SH2D4A: variants seen among roughly 807,000 people sequenced by gnomAD.
The protein encoded by SH2D4A is SH2 domain-containing protein 4A.
In SH2D4A, 70 loss-of-function variants were observed where a neutral mutation model predicts 64.7. The ratio of observed to expected loss-of-function variants is 1.08; its 90% CI spans 0.89 to 1.32. SH2D4A has a LOEUF of 1.32. Among genes scored for constraint, SH2D4A ranks in the 40% most tolerant of loss-of-function variants. SH2D4A has a pLI of 0.00. For missense variants in SH2D4A, 706 were observed against 540.1 expected (o/e 1.31, Z -3.04); for synonymous variants, 268 against 200.7 (o/e 1.34, Z -2.83).
intron 8 of SH2D4A, among the ~76,000 whole-genome samples, chr8:19,378,017 C>A (rs1011396166): frequency 6.6e-6 from 1 of 152,156 alleles, no homozygotes. Flanking sequence ...ATGGAATCTT[C>A]TTATTTTAAT....
intron 2 of SH2D4A, among the ~76,000 whole-genome samples, chr8:19,330,813 G>C (rs1031022256): frequency 2.6e-5 from 4 of 152,034 alleles, no homozygotes; most frequent in Middle Eastern, 3.4e-3. Flanking sequence ...AGGCTGAGAG[G>C]CTGACATAAA....
At chr8:19,313,885 A>T in intron 1 of SH2D4A, 62 bp downstream of exon 1, 1 of 1,379,872 alleles carries the variant, frequency 7.2e-7, no homozygotes, top group South Asian at 1.6e-5. Context: ...AGTAGGGGGA[A>T]GGGAATTTCC....
chr8:19,375,985 G>T (rs1423658689), intron 8 of SH2D4A, among the ~76,000 whole-genome samples: 2 of 152,044 alleles, frequency 1.3e-5, no homozygotes, highest in East Asian at 3.9e-4. Flanking sequence ...ACCTGCCTCG[G>T]TCACCTCTCC....
chr8:19,316,723 G>C (rs2052094823), intron 1 of SH2D4A, among the ~76,000 whole-genome samples: 1 of 152,138 alleles, frequency 6.6e-6, no homozygotes, highest in South Asian at 2.1e-4. Context: ...TCTGATTCTG[G>C]GCACACAAAT....
At chr8:19,340,610 T>G (rs1218457926) in intron 4 of SH2D4A, among the ~76,000 whole-genome samples, 5 of 146,738 alleles carry the variant, frequency 3.4e-5, no homozygotes, top group Admixed American at 6.8e-5. Context: ...TCTTTTTTTT[T>G]TTTTTTTTTT....
chr8:19,361,040 T>G, intron 5 of SH2D4A, 163 bp from the exon 6 acceptor site: 1 of 468,914 alleles, frequency 2.1e-6, no homozygotes, highest in Non-Finnish European at 3.8e-6. Context: ...CAGGTCTTAC[T>G]GACTCCAAAG....
In SH2D4A at chr8:19,389,545, T is replaced by C. The variant is rs1008789407; in HGVS notation, c.1049-3773T>C. 3.3e-5 allele frequency among the ~76,000 whole-genome samples: 5 copies of C among 152,282 alleles called. No homozygotes were observed. The East Asian group carries it at 7.7e-4, about 24-fold the overall frequency. On this transcript the variant is annotated intron_variant, in intron 8 of 9. Transcript: ENST00000265807. The stretch of plus-strand genomic sequence containing the variant: ...TAGGCTCAGGAGTTTCAGTTCCTGC[T>C]CTGCCCCAGGCTCTTCAGGGCCAGA...
At chr8:19,368,564 T>A (rs548112895) in intron 7 of SH2D4A, among the ~76,000 whole-genome samples, 1 of 151,898 alleles carries the variant, frequency 6.6e-6, no homozygotes, top group South Asian at 2.1e-4. Flanking sequence ...CCTCCTTGGT[T>A]AAATTTATTC....
chr8:19,324,034 G>A (rs1251695801), intron 2 of SH2D4A, among the ~76,000 whole-genome samples: 2 of 152,210 alleles, frequency 1.3e-5, no homozygotes, highest in East Asian at 3.9e-4. Flanking sequence ...CTTAATGACA[G>A]TGACTTTTGT....
At chr8:19,357,971 T>G (rs1055876886) in intron 5 of SH2D4A, among the ~76,000 whole-genome samples, 1 of 152,236 alleles carries the variant, frequency 6.6e-6, no homozygotes. Context: ...GGACCTGTGT[T>G]CCTGTGGACC....
chr8:19,390,278 G>A (rs2053468462), intron 8 of SH2D4A, among the ~76,000 whole-genome samples: 3 of 152,114 alleles, frequency 2.0e-5, no homozygotes. Context: ...CTACACAGGA[G>A]GCTAAGGCAT....
At chr8:19,371,588 C>G (rs1384344044) in intron 7 of SH2D4A, among the ~76,000 whole-genome samples, 1 of 151,626 alleles carries the variant, frequency 6.6e-6, no homozygotes, top group Admixed American at 6.6e-5. Context: ...TTCGATCATC[C>G]TATGCTTGGC....
In SH2D4A at chr8:19,323,196, G is replaced by C. The variant is rs1325234126; in HGVS notation, c.181+3468G>C. 2.0e-5 allele frequency among the ~76,000 whole-genome samples: 3 copies of C among 151,988 alleles called. No homozygotes were observed. In the East Asian group the frequency reaches 5.8e-4, roughly 30 times the overall value. ...TCACCACAAGCCACATGTGGCTCTT[G>C]AGCACAGGAAATGAGGCTAGTCTGG... On this transcript the variant is annotated intron_variant, in intron 2 of 9. Transcript: ENST00000265807.
At chr8:19,346,772 A>G (rs1344312660) in intron 4 of SH2D4A, among the ~76,000 whole-genome samples, 1 of 152,218 alleles carries the variant, frequency 6.6e-6, no homozygotes, top group Non-Finnish European at 1.5e-5. Flanking sequence ...CAGCTTGCCC[A>G]GTATTGTCTG....
intron 7 of SH2D4A, among the ~76,000 whole-genome samples, chr8:19,372,079 T>C (rs2053110627): frequency 6.6e-6 from 1 of 152,226 alleles, no homozygotes; most frequent in Admixed American, 6.5e-5. Flanking sequence ...CTGAGTCTTC[T>C]TGATGCTTGT....
intron 7 of SH2D4A, among the ~76,000 whole-genome samples, chr8:19,369,780 T>G (rs2053063414): frequency 6.6e-6 from 1 of 152,056 alleles, no homozygotes; most frequent in South Asian, 2.1e-4. Context: ...TTCATTTCAT[T>G]CATATTTTGC....
intron 2 of SH2D4A, among the ~76,000 whole-genome samples, chr8:19,321,168 G>A (rs2052184163): frequency 6.6e-6 from 1 of 151,910 alleles, no homozygotes; most frequent in African/African-American, 2.4e-5. Flanking sequence ...AGCAGTGACA[G>A]TCCTGTTTTA....
intron 7 of SH2D4A, among the ~76,000 whole-genome samples, chr8:19,371,811 T>G (rs1224832334): frequency 6.6e-6 from 1 of 152,202 alleles, no homozygotes; most frequent in East Asian, 1.9e-4. Context: ...CACTAATAAG[T>G]GTACTGTTGA....
In SH2D4A at chr8:19,394,625, C is replaced by G. The variant is rs1302906363; in HGVS notation, c.1348C>G (p.Leu450Val). ...TCAGCAGGACCAGCTGCCTGACTAC[C>G]TGGAGCTGTTTGAGTGACAGCCTCC... is the stretch of plus-strand genomic sequence containing the variant. ...CGQQDQLPDYLELFE is the reference protein window; with the variant it reads ...CGQQDQLPDYVELFE Residue 450 changes from leucine to valine, a missense_variant, in exon 10 of 10, where the codon CTG becomes GTG. By Grantham distance (32) the Leu-to-Val change is conservative. Coordinates refer to ENST00000265807, the MANE Select transcript of SH2D4A (RefSeq NM_022071.4). 7 of 1,608,692 alleles carry G rather than the reference C, an allele frequency of 4.4e-6. No homozygotes were observed. Among genetic ancestry groups the G allele is most frequent in the Non-Finnish European group, 6.0e-6 (7 of 1,176,458 alleles).
Sources: allele counts gnomAD v4.1 joint callset (sites outside exome capture counted in the v4.1 genomes callset), GRCh38; gene constraint gnomAD v4.1.1; transcripts MANE v1.5; gene names NCBI Gene and HGNC (gene_info 2026-07-23, HGNC 2026-07-21).